CMTM8: variants seen among roughly 807,000 people sequenced by gnomAD.
CMTM8 encodes CKLF like MARVEL transmembrane domain containing 8.
CMTM8 carries 12 observed loss-of-function variants against 18.6 expected under a neutral mutation model. The ratio of observed to expected loss-of-function variants is 0.65; its 90% CI spans 0.41 to 1.05. The LOEUF is 1.05. Among genes scored for constraint, CMTM8 ranks in the 50% least tolerant of loss-of-function variants. CMTM8 has a pLI of 0.00. For missense variants in CMTM8, 217 were observed against 227.2 expected (o/e 0.95, Z 0.29); for synonymous variants, 87 against 90.6 (o/e 0.96, Z 0.23).
intron 1 of CMTM8, among the ~76,000 whole-genome samples, chr3:32,291,166 T>C (rs1224263352): frequency 6.6e-6 from 1 of 151,880 alleles, no homozygotes; most frequent in Non-Finnish European, 1.5e-5. Context: ...TCTCGTTCTC[T>C]CTCTCAGTCT....
chr3:32,279,942 T>A lies in CMTM8; in HGVS notation c.147+40823T>A, dbSNP rs575280689. Among the ~76,000 whole-genome samples, 49 of 151,852 alleles carry A rather than the reference T, an allele frequency of 3.2e-4. 1 individual carries two copies. In the South Asian group the frequency reaches 8.8e-3, roughly 27 times the overall value. Reference sequence around the variant, plus strand: ...CTCTGATGGCCAGTGATGATGAGCATTTTTTCATGTGTTTTTTGGCTGCAT... The same window carrying A: ...CTCTGATGGCCAGTGATGATGAGCAATTTTTCATGTGTTTTTTGGCTGCAT... On this transcript the variant is annotated intron_variant, in intron 1 of 3. Coordinates refer to ENST00000307526, the MANE Select transcript of CMTM8 (RefSeq NM_178868.5).
intron 1 of CMTM8, among the ~76,000 whole-genome samples, chr3:32,264,779 A>C (rs947667491): frequency 3.3e-5 from 5 of 149,872 alleles, no homozygotes; most frequent in Non-Finnish European, 5.9e-5. Context: ...AATGGAAAGC[A>C]AAAAAAAGGC....
At chr3:32,301,451 C>T (rs1405029811) in intron 1 of CMTM8, among the ~76,000 whole-genome samples, 1 of 151,778 alleles carries the variant, frequency 6.6e-6, no homozygotes, top group Non-Finnish European at 1.5e-5. Context: ...AAACTAGAAA[C>T]AGGGCAATTA....
chr3:32,357,010 G>T (rs1254562643), intron 1 of CMTM8, among the ~76,000 whole-genome samples: 1 of 152,182 alleles, frequency 6.6e-6, no homozygotes, highest in African/African-American at 2.4e-5. Flanking sequence ...CCTGGCATTT[G>T]TAGGCACATG....
At chr3:32,309,902 T>C (rs894863139) in intron 1 of CMTM8, among the ~76,000 whole-genome samples, 2 of 152,216 alleles carry the variant, frequency 1.3e-5, no homozygotes, top group African/African-American at 4.8e-5. Flanking sequence ...GGAATGTCTG[T>C]TCACTGCCCC....
At chr3:32,315,339 AG>A (rs947952689) in intron 1 of CMTM8, among the ~76,000 whole-genome samples, 7 of 152,220 alleles carry the variant, frequency 4.6e-5, no homozygotes, top group Admixed American at 2.0e-4. Context: ...CATGTTGGCC[AG>A]GCTGGTCTCG....
intron 1 of CMTM8, among the ~76,000 whole-genome samples, chr3:32,281,427 T>C (rs1702608911): frequency 3.3e-5 from 5 of 152,192 alleles, no homozygotes; most frequent in Admixed American, 3.3e-4. Flanking sequence ...ATCTTACCTT[T>C]TTTAAATGAA....
intron 1 of CMTM8, among the ~76,000 whole-genome samples, chr3:32,355,474 T>C (rs1696799495): frequency 6.6e-6 from 1 of 152,164 alleles, no homozygotes; most frequent in South Asian, 2.1e-4. Flanking sequence ...TTGTCTTGAA[T>C]TTACTCACTT....
At chr3:32,322,073 A>C (rs1696068028) in intron 1 of CMTM8, among the ~76,000 whole-genome samples, 1 of 152,190 alleles carries the variant, frequency 6.6e-6, no homozygotes. Context: ...GTGCTAAATG[A>C]TGGAATTCCC....
intron 1 of CMTM8, among the ~76,000 whole-genome samples, chr3:32,277,944 G>A (rs1337602072): frequency 6.6e-6 from 1 of 152,166 alleles, no homozygotes; most frequent in Non-Finnish European, 1.5e-5. Context: ...AAAACAAGTG[G>A]CTTAAACAAG....
At chr3:32,290,611 C>T (rs116747249) in intron 1 of CMTM8, among the ~76,000 whole-genome samples, 2,322 of 152,210 alleles carry the variant, frequency 0.015, 54 homozygotes, top group African/African-American at 0.054. Context: ...AGGCTAGGGC[C>T]GGTGTTTGTA....
At chr3:32,349,134 G>C (rs1028891516) in intron 1 of CMTM8, among the ~76,000 whole-genome samples, 6 of 151,608 alleles carry the variant, frequency 4.0e-5, no homozygotes, top group African/African-American at 1.5e-4. Context: ...TTTGTTTTTT[G>C]GTTTTTGCTC....
intron 1 of CMTM8, among the ~76,000 whole-genome samples, chr3:32,300,444 C>G (rs1016715837): frequency 6.6e-6 from 1 of 152,018 alleles, no homozygotes; most frequent in African/African-American, 2.4e-5. Flanking sequence ...TTTCCATGAT[C>G]TCCATTGGGG....
chr3:32,357,287 TA>T, intron 1 of CMTM8, 85 bp from the exon 2 acceptor site: 3 of 925,646 alleles, frequency 3.2e-6, no homozygotes, highest in Non-Finnish European at 3.3e-6. Context: ...TCTGTATAAT[TA>T]TTTTTTTTTC....
At chr3:32,367,346 C>T (rs1189440971) in intron 2 of CMTM8, among the ~76,000 whole-genome samples, 2 of 152,206 alleles carry the variant, frequency 1.3e-5, no homozygotes, top group Admixed American at 6.5e-5. Flanking sequence ...GGGCTGTAAC[C>T]GCCTTTTTAA....
At chr3:32,277,031 C>T (rs941817244) in intron 1 of CMTM8, among the ~76,000 whole-genome samples, 2 of 151,728 alleles carry the variant, frequency 1.3e-5, no homozygotes, top group South Asian at 4.2e-4. Context: ...ACTACAGGCA[C>T]ATCCCACCAT....
chr3:32,327,140 A>T (rs1348532958), intron 1 of CMTM8, among the ~76,000 whole-genome samples: 1 of 152,024 alleles, frequency 6.6e-6, no homozygotes, highest in Admixed American at 6.6e-5. Flanking sequence ...GGAGTTTTTC[A>T]CAAAGGTGCT....
chr3:32,241,451 G>A (rs1250369539), intron 1 of CMTM8, among the ~76,000 whole-genome samples: 3 of 152,088 alleles, frequency 2.0e-5, no homozygotes, highest in Admixed American at 6.5e-5. Context: ...AATGATATTC[G>A]GTAGATATTT....
chr3:32,250,927 T>G (rs2125531224), intron 1 of CMTM8, among the ~76,000 whole-genome samples: 1 of 152,322 alleles, frequency 6.6e-6, no homozygotes, highest in South Asian at 2.1e-4. Context: ...TGTGGTATTC[T>G]ATAACTTTGT....
Sources: gnomAD v4.1 joint callset for allele counts (sites outside exome capture counted in the v4.1 genomes callset) on GRCh38, gnomAD v4.1.1 for gene constraint, MANE v1.5 for transcripts, NCBI Gene and HGNC (gene_info 2026-07-23, HGNC 2026-07-21) for gene names.